SLC14A2: variants seen among roughly 807,000 people sequenced by gnomAD.
The protein encoded by SLC14A2 is solute carrier family 14 member 2.
In SLC14A2, 91 loss-of-function variants were observed where a neutral mutation model predicts 104.6. The observed-to-expected ratio is 0.87, with a 90% CI of 0.73 to 1.04. SLC14A2 has a LOEUF of 1.04. Ranked by LOEUF, SLC14A2 falls within the 50% of genes least tolerant of loss-of-function variation. The pLI is 0.00. For synonymous variants in SLC14A2, 476 were observed against 466.4 expected, an observed-to-expected ratio of 1.02 and a Z score of -0.27; for missense variants, 1,189 against 1,156.0, an observed-to-expected ratio of 1.03 and a Z score of -0.41.
At chr18:45,208,424 T>C (rs1165965094), upstream of SLC14A2, among the ~76,000 whole-genome samples, 2 of 152,182 alleles carry the variant, frequency 1.3e-5, no homozygotes, top group African/African-American at 2.4e-5. Flanking sequence ...GACAAGCTTA[T>C]GAGTTAACGC....
chr18:45,292,115 T>C (rs2084876063), intron 1 of SLC14A2, among the ~76,000 whole-genome samples: 1 of 152,170 alleles, frequency 6.6e-6, no homozygotes, highest in Non-Finnish European at 1.5e-5. Flanking sequence ...AGCCCGACCT[T>C]AATCTGGCAG....
chr18:45,332,181 C>G (rs150104339), intron 1 of SLC14A2, among the ~76,000 whole-genome samples: 60 of 152,296 alleles, frequency 3.9e-4, no homozygotes, highest in African/African-American at 1.3e-3. Flanking sequence ...CCTTGGCAAT[C>G]AGTTCTGGTT....
intron 1 of SLC14A2, among the ~76,000 whole-genome samples, chr18:45,241,509 A>G (rs1248313857): frequency 6.6e-6 from 1 of 152,152 alleles, no homozygotes; most frequent in Non-Finnish European, 1.5e-5. Context: ...CCTGGTAGGA[A>G]GTGAATGGTG....
chr18:45,473,800 A>C (rs923376444), intron 1 of SLC14A2, among the ~76,000 whole-genome samples: 6 of 152,114 alleles, frequency 3.9e-5, no homozygotes, highest in Non-Finnish European at 5.9e-5. Flanking sequence ...GGGTTTTCTA[A>C]ATATACAATC....
chr18:45,639,772 C>T lies in SLC14A2; in HGVS notation c.870C>T (p.Val290=), dbSNP rs777983375. The stretch of plus-strand genomic sequence containing the variant: ...TGTTACAAGCCATCCCTGTTGGGGT[C>T]GGCCAGGTGTATGGCTGTGACAATC... ...PLLLQAIPVG[V]GQVYGCDNPW... Residue 290 remains valine (V), a synonymous_variant, in exon 7 of 20, where the codon GTC becomes GTT. Transcript: ENST00000255226. 7.4e-6 allele frequency: 12 copies of T among 1,613,892 alleles called. No homozygotes were observed. The highest frequency in any genetic ancestry group is 5.5e-5 in the South Asian group (5 of 91,064).
At chr18:45,629,837 C>T (rs2045317656) in intron 4 of SLC14A2, among the ~76,000 whole-genome samples, 1 of 152,234 alleles carries the variant, frequency 6.6e-6, no homozygotes, top group Admixed American at 6.5e-5. Context: ...AGTCCCTCAG[C>T]TTGGCTCCCC....
chr18:45,295,996 C>T (rs777543163), intron 1 of SLC14A2, among the ~76,000 whole-genome samples: 3 of 151,978 alleles, frequency 2.0e-5, no homozygotes, highest in African/African-American at 7.2e-5. Context: ...GTACTCAATC[C>T]GGTAGGTAGT....
At chr18:45,185,523 C>T in the SLC14A2 span, among the ~76,000 whole-genome samples, 1 of 152,146 alleles carries the variant, frequency 6.6e-6, no homozygotes, top group East Asian at 1.9e-4. Flanking sequence ...CTACAATAAA[C>T]ATACAACAAA....
chr18:45,212,428 T>A (rs1255682806), upstream of SLC14A2, among the ~76,000 whole-genome samples: 1 of 152,148 alleles, frequency 6.6e-6, no homozygotes, highest in Non-Finnish European at 1.5e-5. Context: ...TCCATCAAAT[T>A]TCCTTTGGTG....
At chr18:45,184,102 A>G in the SLC14A2 span, among the ~76,000 whole-genome samples, 1 of 151,820 alleles carries the variant, frequency 6.6e-6, no homozygotes, top group Non-Finnish European at 1.5e-5. Context: ...ACATGTGTGC[A>G]ATATTTACAA....
intron 1 of SLC14A2, among the ~76,000 whole-genome samples, chr18:45,288,894 C>T (rs890752955): frequency 1.3e-5 from 2 of 152,318 alleles, no homozygotes; most frequent in East Asian, 1.9e-4. Flanking sequence ...GGATTCATCC[C>T]GCCTTAATGC....
chr18:45,293,155 T>C (rs2084886412), intron 1 of SLC14A2, among the ~76,000 whole-genome samples: 1 of 152,118 alleles, frequency 6.6e-6, no homozygotes. Context: ...ATTATTAGAG[T>C]AAGCAGAAAA....
chr18:45,653,113 G>C (rs73953267), intron 10 of SLC14A2, among the ~76,000 whole-genome samples: 6,653 of 151,966 alleles, frequency 0.044, 461 homozygotes, highest in African/African-American at 0.15. Flanking sequence ...CAGCCAGCAG[G>C]GACAAGAAAA....
chr18:45,378,604 A>G (rs925503351), intron 1 of SLC14A2, among the ~76,000 whole-genome samples: 1 of 152,220 alleles, frequency 6.6e-6, no homozygotes, highest in South Asian at 2.1e-4. Context: ...CTAACACTCC[A>G]TAAGACTTAA....
intron 1 of SLC14A2, among the ~76,000 whole-genome samples, chr18:45,296,145 T>A (rs1018939266): frequency 1.3e-5 from 2 of 152,160 alleles, no homozygotes; most frequent in African/African-American, 4.8e-5. Context: ...ATTCAGCAAA[T>A]ATTTGATAAC....
intron 1 of SLC14A2, among the ~76,000 whole-genome samples, chr18:45,410,372 G>A (rs1188871961): frequency 6.6e-6 from 1 of 151,928 alleles, no homozygotes; most frequent in East Asian, 1.9e-4. Flanking sequence ...CATTTGGGAT[G>A]GTCTTAATAT....
At chr18:45,513,306 A>G (rs577785335) in intron 2 of SLC14A2, among the ~76,000 whole-genome samples, 38 of 152,350 alleles carry the variant, frequency 2.5e-4, no homozygotes, top group African/African-American at 8.7e-4. Context: ...TTATGTGAGT[A>G]TAAATCATGA....
At chr18:45,379,136 A>G (rs1047705297) in intron 1 of SLC14A2, among the ~76,000 whole-genome samples, 1 of 152,194 alleles carries the variant, frequency 6.6e-6, no homozygotes, top group African/African-American at 2.4e-5. Flanking sequence ...AACAACTGCA[A>G]GTGTCACGGA....
intron 2 of SLC14A2, among the ~76,000 whole-genome samples, chr18:45,508,302 G>GA (rs2043314391): frequency 6.6e-6 from 1 of 152,166 alleles, no homozygotes; most frequent in South Asian, 2.1e-4. Flanking sequence ...ATCTCATCTT[G>GA]AATTCCCATG....
Sources: gnomAD v4.1 joint callset for allele counts (sites outside exome capture counted in the v4.1 genomes callset) on GRCh38, gnomAD v4.1.1 for gene constraint, MANE v1.5 for transcripts, NCBI Gene and HGNC (gene_info 2026-07-23, HGNC 2026-07-21) for gene names.